The following ACADSB variants were observed in gnomAD, a reference collection of about 807,000 sequenced individuals.
ACADSB encodes acyl-CoA dehydrogenase short/branched chain, also known as short/branched chain specific acyl-CoA dehydrogenase, mitochondrial.
A neutral mutation model predicts 54.1 loss-of-function variants in ACADSB; 40 were observed. The ratio of observed to expected loss-of-function variants is 0.74; its 90% CI spans 0.57 to 0.96. The LOEUF (loss-of-function observed/expected upper bound fraction) is 0.96. Ranked by LOEUF, ACADSB falls within the 40% of genes least tolerant of loss-of-function variation. The pLI, the probability that ACADSB is intolerant of heterozygous loss-of-function variation, is 0.00. For missense variants in ACADSB, 530 were observed against 510.4 expected (o/e 1.04, Z -0.37); for synonymous variants, 182 against 182.8 (o/e 1.00, Z 0.03).
intron 1 of ACADSB, among the ~76,000 whole-genome samples, chr10:123,016,836 C>T: frequency 6.6e-6 from 1 of 152,098 alleles, no homozygotes. Flanking sequence ...AGCAAACATA[C>T]AGAATTTGTG....
chr10:123,009,514 T>C (rs999152685), intron 1 of ACADSB, among the ~76,000 whole-genome samples: 1 of 152,208 alleles, frequency 6.6e-6, no homozygotes, highest in Non-Finnish European at 1.5e-5. Flanking sequence ...AGGCCCAGTC[T>C]CATTCTGAGC....
At chr10:123,038,839 C>T (rs1046479139) in intron 3 of ACADSB, among the ~76,000 whole-genome samples, 8 of 152,144 alleles carry the variant, frequency 5.3e-5, no homozygotes, top group Admixed American at 2.0e-4. Flanking sequence ...AACAGGAGGC[C>T]GATGTGGAGA....
At position 123,040,947 on chromosome 10, in the gene ACADSB, C is replaced by T. The variant is rs79573759; in HGVS notation, c.511-262C>T. Among the ~76,000 whole-genome samples the T allele has an allele frequency of 0.06, 9,205 of 152,180 alleles. 323 individuals carry two copies. Among genetic ancestry groups the T allele is most frequent in the Non-Finnish European group, 0.087 (5,918 of 67,994 alleles). ...ATACGTTTGTTGATGGTTTCATTTA[C>T]GTTGTGATGTCTTTCTGCTGTAATT... On this transcript the variant is annotated intron_variant, in intron 4 of 10. Transcript: ENST00000358776.
chr10:123,011,716 G>T (rs1850038965), intron 1 of ACADSB, among the ~76,000 whole-genome samples: 1 of 151,740 alleles, frequency 6.6e-6, no homozygotes, highest in African/African-American at 2.4e-5. Context: ...TAGTACAGAT[G>T]GGGTTTCACC....
rs1345374104 is a variant in ACADSB at position 123,047,243 on chromosome 10, C to G, written c.935C>G (p.Thr312Ser). The change falls in exon 8 of 11, where the codon ACT becomes AGT. Residue 312 changes from threonine (T) to serine (S), a missense_variant. Transcript: ENST00000358776. ...CTGGCGCAAGGATGTTTTGACTACA[C>G]TATTCCATATATTAAAGAAAGGATA... Reference protein sequence around the residue: ...LGLAQGCFDYTIPYIKERIQF... With the variant: ...LGLAQGCFDYSIPYIKERIQF... 1 of 1,609,406 alleles carries G rather than the reference C, an allele frequency of 6.2e-7. No individual in the cohort carries two copies. The highest frequency in any genetic ancestry group is 1.7e-5 in the Admixed American group (1 of 60,018).
At chr10:123,021,349 C>T (rs1297317198) in intron 1 of ACADSB, among the ~76,000 whole-genome samples, 1 of 152,056 alleles carries the variant, frequency 6.6e-6, no homozygotes, top group Non-Finnish European at 1.5e-5. Flanking sequence ...GCTTTTATTC[C>T]AATGCTCAAT....
intron 3 of ACADSB, among the ~76,000 whole-genome samples, chr10:123,039,819 G>A (rs1850446801): frequency 6.6e-6 from 1 of 152,088 alleles, no homozygotes; most frequent in African/African-American, 2.4e-5. Flanking sequence ...GGCAACAACA[G>A]TTCTTAGCAA....
At chr10:123,014,816 A>G (rs1388279263) in intron 1 of ACADSB, among the ~76,000 whole-genome samples, 1 of 152,234 alleles carries the variant, frequency 6.6e-6, no homozygotes, top group Non-Finnish European at 1.5e-5. Context: ...AGGGGTGCGG[A>G]TTCCAGGGCA....
intron 8 of ACADSB, 98 bp downstream of exon 8, chr10:123,047,396 G>T: frequency 1.1e-6 from 1 of 869,802 alleles, no homozygotes; most frequent in Non-Finnish European, 1.9e-6. Flanking sequence ...CCCTTCAGGG[G>T]GATTTTAATG....
At chr10:123,041,632 G>T (rs1452095846) in intron 5 of ACADSB, among the ~76,000 whole-genome samples, 4 of 151,968 alleles carry the variant, frequency 2.6e-5, no homozygotes. Flanking sequence ...GAAAATATTT[G>T]ATTAAAAAAA....
chr10:123,043,588 T>G (rs1360468833), intron 6 of ACADSB, among the ~76,000 whole-genome samples: 5 of 152,164 alleles, frequency 3.3e-5, no homozygotes, highest in African/African-American at 9.7e-5. Context: ...CAGCAGAAGA[T>G]CCAGATAGTT....
At chr10:123,048,712 A>G (rs1850591834) in intron 8 of ACADSB, among the ~76,000 whole-genome samples, 1 of 151,702 alleles carries the variant, frequency 6.6e-6, no homozygotes, top group African/African-American at 2.4e-5. Flanking sequence ...AAATTTATGT[A>G]TTTATTTATT....
intron 1 of ACADSB, among the ~76,000 whole-genome samples, chr10:123,013,417 A>C (rs972078002): frequency 1.3e-5 from 2 of 152,230 alleles, no homozygotes; most frequent in Non-Finnish European, 2.9e-5. Flanking sequence ...TCCCCACTAG[A>C]CTCAGGAGCC....
At chr10:123,040,218 G>A (rs1850452009) in intron 3 of ACADSB, among the ~76,000 whole-genome samples, 1 of 151,524 alleles carries the variant, frequency 6.6e-6, no homozygotes, top group African/African-American at 2.4e-5. Flanking sequence ...GGGTGTGATG[G>A]TGGGCACCTG....
intron 1 of ACADSB, among the ~76,000 whole-genome samples, chr10:123,023,118 A>G (rs1850205391): frequency 6.6e-6 from 1 of 152,232 alleles, no homozygotes; most frequent in Non-Finnish European, 1.5e-5. Flanking sequence ...CTTGGCTAAC[A>G]ACATTAAATT....
At chr10:123,025,388 C>G (rs1005035155) in intron 1 of ACADSB, among the ~76,000 whole-genome samples, 2 of 151,996 alleles carry the variant, frequency 1.3e-5, no homozygotes, top group Non-Finnish European at 1.5e-5. Context: ...CATCTGAGTC[C>G]GGGAGGTCAA....
chr10:123,009,345 A>T (rs1470395926), intron 1 of ACADSB, among the ~76,000 whole-genome samples: 2 of 152,064 alleles, frequency 1.3e-5, no homozygotes, highest in African/African-American at 4.8e-5. Flanking sequence ...CGTCCGCAAG[A>T]TGTCCTTTGC....
intron 9 of ACADSB, among the ~76,000 whole-genome samples, chr10:123,051,463 G>A (rs2133493980): frequency 6.6e-6 from 1 of 152,170 alleles, no homozygotes; most frequent in South Asian, 2.1e-4. Flanking sequence ...CTTCAGTTCT[G>A]TGAGGTCTCC....
intron 7 of ACADSB, among the ~76,000 whole-genome samples, chr10:123,046,340 T>G (rs1850560727): frequency 1.3e-5 from 2 of 152,238 alleles, no homozygotes; most frequent in Admixed American, 1.3e-4. Flanking sequence ...AAAACCATAA[T>G]TTGACATAAT....
Sources: gnomAD v4.1 joint callset for allele counts (sites outside exome capture counted in the v4.1 genomes callset) on GRCh38, gnomAD v4.1.1 for gene constraint, MANE v1.5 for transcripts, NCBI Gene and HGNC (gene_info 2026-07-23, HGNC 2026-07-21) for gene names.